The following FBXL7 variants were observed in gnomAD, a reference collection of about 807,000 sequenced individuals.
The protein encoded by FBXL7 is F-box and leucine rich repeat protein 7, also known as F-box/LRR-repeat protein 7.
A neutral mutation model predicts 38.3 loss-of-function variants in FBXL7; 12 were observed. The observed-to-expected ratio is 0.31, with a 90% CI of 0.20 to 0.51. The LOEUF is 0.51. FBXL7 is among the 20% of genes least tolerant of loss of function. FBXL7 has a pLI of 0.98. For synonymous variants in FBXL7, 297 were observed against 300.9 expected, an observed-to-expected ratio of 0.99 and a Z score of 0.13; for missense variants, 567 against 676.4, an observed-to-expected ratio of 0.84 and a Z score of 1.79.
At chr5:15,861,218 C>T (rs149570720) in intron 2 of FBXL7, among the ~76,000 whole-genome samples, 344 of 152,308 alleles carry the variant, frequency 2.3e-3, no homozygotes, top group Middle Eastern at 0.01. Flanking sequence ...GACACAGGCA[C>T]AAGCTCCCAA....
chr5:15,625,024 A>C (rs909818153), intron 2 of FBXL7, among the ~76,000 whole-genome samples: 2 of 151,702 alleles, frequency 1.3e-5, no homozygotes. Flanking sequence ...AGAGGTCCTC[A>C]CCGGATGCAG....
intron 2 of FBXL7, among the ~76,000 whole-genome samples, chr5:15,773,221 A>G (rs1003794871): frequency 1.3e-5 from 2 of 152,196 alleles, no homozygotes; most frequent in Non-Finnish European, 2.9e-5. Flanking sequence ...TTCAAGGTCT[A>G]CTGTGCCTGA....
chr5:15,887,764 T>C (rs373802673), intron 2 of FBXL7, among the ~76,000 whole-genome samples: 1 of 152,332 alleles, frequency 6.6e-6, no homozygotes, highest in African/African-American at 2.4e-5. Context: ...AGACAGTATC[T>C]TTTGGTACAC....
At chr5:15,762,723 T>C (rs890479227) in intron 2 of FBXL7, among the ~76,000 whole-genome samples, 1 of 152,198 alleles carries the variant, frequency 6.6e-6, no homozygotes, top group Admixed American at 6.5e-5. Flanking sequence ...TATTTTCAAT[T>C]GTCTAAGTTT....
At chr5:15,571,795 C>A (rs1738796074) in intron 1 of FBXL7, among the ~76,000 whole-genome samples, 4 of 151,984 alleles carry the variant, frequency 2.6e-5, no homozygotes, top group Admixed American at 2.6e-4. Context: ...GCTCCCATTG[C>A]AGAAGGGTTC....
At chr5:15,779,335 A>G (rs1736934850) in intron 2 of FBXL7, among the ~76,000 whole-genome samples, 1 of 152,160 alleles carries the variant, frequency 6.6e-6, no homozygotes, top group Non-Finnish European at 1.5e-5. Flanking sequence ...AGGTAGCTAG[A>G]ATAAGAATTG....
chr5:15,613,411 A>G (rs1740322519), intron 1 of FBXL7, among the ~76,000 whole-genome samples: 1 of 152,218 alleles, frequency 6.6e-6, no homozygotes, highest in Non-Finnish European at 1.5e-5. Flanking sequence ...AAATGGCCAC[A>G]GCTGCCAGGC....
At chr5:15,825,784 T>C (rs1366241514) in intron 2 of FBXL7, among the ~76,000 whole-genome samples, 1 of 152,252 alleles carries the variant, frequency 6.6e-6, no homozygotes, top group Non-Finnish European at 1.5e-5. Flanking sequence ...CAGGTAAAAG[T>C]AATACCATCT....
intron 1 of FBXL7, among the ~76,000 whole-genome samples, chr5:15,556,113 A>G (rs1373558304): frequency 2.0e-5 from 3 of 151,824 alleles, no homozygotes; most frequent in African/African-American, 4.8e-5. Flanking sequence ...CTATCTATCT[A>G]TATTGATCCA....
intron 2 of FBXL7, among the ~76,000 whole-genome samples, chr5:15,638,668 C>T (rs962531953): frequency 3.9e-5 from 6 of 152,002 alleles, no homozygotes; most frequent in Non-Finnish European, 5.9e-5. Context: ...ACTTTATCCC[C>T]AGAGCAATAA....
chr5:15,575,533 T>G (rs758710991), intron 1 of FBXL7, among the ~76,000 whole-genome samples: 6 of 152,176 alleles, frequency 3.9e-5, no homozygotes, highest in Non-Finnish European at 5.9e-5. Context: ...TGGATGGCCA[T>G]TTTATTTTAG....
At chr5:15,664,655 G>A (rs1289900002) in intron 2 of FBXL7, among the ~76,000 whole-genome samples, 2 of 150,910 alleles carry the variant, frequency 1.3e-5, no homozygotes, top group East Asian at 2.0e-4. Flanking sequence ...TATTTTTAGT[G>A]GAGACAGGGT....
chr5:15,614,560 G>A (rs1740379407), intron 1 of FBXL7, among the ~76,000 whole-genome samples: 1 of 152,162 alleles, frequency 6.6e-6, no homozygotes, highest in African/African-American at 2.4e-5. Context: ...ACAAGCCACC[G>A]CGCCCATCCA....
chr5:15,866,628 C>T (rs1028677087), intron 2 of FBXL7, among the ~76,000 whole-genome samples: 2 of 151,996 alleles, frequency 1.3e-5, no homozygotes, highest in African/African-American at 4.8e-5. Flanking sequence ...TGGTTTGCCG[C>T]ACCTATTGAC....
In FBXL7 at chr5:15,927,902, G is replaced by C; in HGVS notation, c.140G>C (p.Ser47Thr). The C allele has an allele frequency of 6.6e-7, 1 of 1,525,678 alleles. No individual in the cohort carries two copies. Among genetic ancestry groups the C allele is most frequent in the Non-Finnish European group, 8.8e-7 (1 of 1,136,694 alleles). 94.5% of individuals were successfully genotyped at this position (1,525,678 alleles called of 1,614,324 possible). Residue 47 changes from serine to threonine, a missense_variant, in exon 3 of 4, where the codon AGC (serine) becomes ACC (threonine). Coordinates refer to ENST00000504595, the MANE Select transcript of FBXL7 (RefSeq NM_012304.5). ...NVATSEDSDL[S>T]MRTLSTPSPA... is the part of the protein sequence containing the mutation. ...TGTCCTTTGCCAGACTCCGACCTGA[G>C]CATGCGCACACTGAGCACGCCCAGC...
chr5:15,693,270 T>A (rs1743235004), intron 2 of FBXL7, among the ~76,000 whole-genome samples: 1 of 152,158 alleles, frequency 6.6e-6, no homozygotes. Context: ...CGATGGTGGA[T>A]GCCACCAGAT....
In FBXL7 at chr5:15,923,875, G is replaced by C. The variant is rs963036980; in HGVS notation, c.128-4015G>C. On this transcript the variant is annotated intron_variant, in intron 2 of 3. Coordinates refer to ENST00000504595, the MANE Select transcript of FBXL7 (RefSeq NM_012304.5). Reference sequence around the variant, plus strand: ...CCCTCCGCCCCCATGCACAGGGTAAGTATCTTTCATTCCTCAGTGGCCACC... The same window carrying C: ...CCCTCCGCCCCCATGCACAGGGTAACTATCTTTCATTCCTCAGTGGCCACC... 2.6e-5 allele frequency among the ~76,000 whole-genome samples: 4 copies of C among 151,982 alleles called. 1 individual carries two copies. The highest frequency in any genetic ancestry group is 1.3e-4 in the Admixed American group (2 of 15,236).
chr5:15,740,697 A>C (rs185653758), intron 2 of FBXL7, among the ~76,000 whole-genome samples: 4 of 152,336 alleles, frequency 2.6e-5, no homozygotes, highest in Admixed American at 6.5e-5. Context: ...TTTTTAAAAA[A>C]TGGATTTGAG....
chr5:15,629,032 C>G (rs576693907), intron 2 of FBXL7, among the ~76,000 whole-genome samples: 1 of 151,684 alleles, frequency 6.6e-6, no homozygotes, highest in African/African-American at 2.4e-5. Context: ...AATCTGTGCA[C>G]TTTGGGAGGC....
Sources: allele counts gnomAD v4.1 joint callset (sites outside exome capture counted in the v4.1 genomes callset), GRCh38; gene constraint gnomAD v4.1.1; transcripts MANE v1.5; gene names NCBI Gene and HGNC (gene_info 2026-07-23, HGNC 2026-07-21).